Variants in SV2C observed in about 807,000 individuals in gnomAD.
SV2C encodes solute carrier family 22 member B3.
In SV2C, 49 loss-of-function variants were observed where a neutral mutation model predicts 79.7. That is an observed-to-expected ratio of 0.61 (90% CI 0.49 to 0.78). SV2C has a LOEUF of 0.78. Among genes scored for constraint, SV2C ranks in the 30% least tolerant of loss-of-function variants. The pLI, the probability that SV2C is intolerant of heterozygous loss-of-function variation, is 0.00. For missense variants in SV2C, 833 were observed against 912.9 expected (o/e 0.91, Z 1.13); for synonymous variants, 334 against 333.2 (o/e 1.00, Z -0.03).
chr5:76,314,041 A>G (rs947903423), intron 12 of SV2C, among the ~76,000 whole-genome samples: 1 of 152,202 alleles, frequency 6.6e-6, no homozygotes, highest in Non-Finnish European at 1.5e-5. Context: ...GGAAATTATC[A>G]CCCAGACCTT....
intron 2 of SV2C, among the ~76,000 whole-genome samples, chr5:76,184,750 G>A (rs9293676): frequency 0.79 from 120,676 of 151,986 alleles, 48,481 homozygotes; most frequent in East Asian, 0.91. Context: ...CCCTTGACAC[G>A]TGGGGATTAT....
chr5:76,181,583 C>T (rs964104360), intron 2 of SV2C, among the ~76,000 whole-genome samples: 1 of 151,952 alleles, frequency 6.6e-6, no homozygotes, highest in Admixed American at 6.6e-5. Context: ...GCATGTCTTA[C>T]CATGGTGGAG....
the SV2C span, among the ~76,000 whole-genome samples, chr5:76,049,854 CG>C: frequency 5.3e-5 from 8 of 152,158 alleles, no homozygotes; most frequent in Non-Finnish European, 1.2e-4. Context: ...AGTTACATCA[CG>C]TGGCTTTAGT....
chr5:75,851,986 CAGG>C, the SV2C span, among the ~76,000 whole-genome samples: 274 of 152,218 alleles, frequency 1.8e-3, 2 homozygotes, highest in African/African-American at 6.0e-3. Context: ...TTAATACAGG[CAGG>C]AGGAGGAGAA....
chr5:75,908,220 A>G, the SV2C span, among the ~76,000 whole-genome samples: 1 of 152,216 alleles, frequency 6.6e-6, no homozygotes, highest in African/African-American at 2.4e-5. Context: ...GGTGACACCA[A>G]TCTGCTTTCT....
chr5:76,161,713 A>G (rs2112250050), intron 2 of SV2C, among the ~76,000 whole-genome samples: 2 of 152,210 alleles, frequency 1.3e-5, no homozygotes, highest in East Asian at 3.8e-4. Flanking sequence ...CTGTAAATAT[A>G]CTAAAAACTC....
chr5:75,880,039 G>A, the SV2C span, among the ~76,000 whole-genome samples: 1 of 152,218 alleles, frequency 6.6e-6, no homozygotes, highest in South Asian at 2.1e-4. Flanking sequence ...GCCATGGCTG[G>A]AGCTGAAGTA....
chr5:76,002,147 G>A, the SV2C span, among the ~76,000 whole-genome samples: 2 of 144,352 alleles, frequency 1.4e-5, no homozygotes, highest in African/African-American at 5.2e-5. Flanking sequence ...TTTTATAGAT[G>A]AGTAGTATTC....
rs10651569 is a variant in SV2C at position 76,164,721 on chromosome 5, AGTGT to A, written c.581-30171_581-30168del. Reference sequence around the variant, plus strand: ...TTTGCTACTGTTGGGGATGGAACTCAGTGTGTGTGTGTGTGTGTGTGTGTGTGTG... The same window carrying A: ...TTTGCTACTGTTGGGGATGGAACTCAGTGTGTGTGTGTGTGTGTGTGTGTG... On this transcript the variant is annotated intron_variant, in intron 2 of 12. Transcript: ENST00000502798. Among the ~76,000 whole-genome samples the A allele has an allele frequency of 1.7e-3, 240 of 141,892 alleles. 3 individuals carry two copies. Among genetic ancestry groups the A allele is most frequent in the Middle Eastern group, 7.0e-3 (2 of 286 alleles). 93.1% of individuals were successfully genotyped at this position (141,892 alleles called of 152,430 possible). A position where few individuals can be genotyped will look rare whatever the true frequency, so the allele number is the denominator to read the frequency against.
At chr5:76,029,917 A>T in the SV2C span, among the ~76,000 whole-genome samples, 3 of 152,190 alleles carry the variant, frequency 2.0e-5, no homozygotes, top group African/African-American at 7.2e-5. Context: ...AATCAGAGCA[A>T]GTTCTTGAAG....
the SV2C span, among the ~76,000 whole-genome samples, chr5:75,990,861 A>T: frequency 1.3e-5 from 2 of 151,946 alleles, no homozygotes; most frequent in African/African-American, 4.8e-5. Flanking sequence ...TTTGACTGCA[A>T]CTCCCTTCAG....
rs143900466 is a variant in SV2C, at chr5:76,287,578, A to G, written c.1137+1708A>G. Among the ~76,000 whole-genome samples, 651 of 152,094 alleles carry G rather than the reference A, an allele frequency of 4.3e-3. 6 individuals carry two copies. The highest frequency in any genetic ancestry group is 0.014 in the African/African-American group (581 of 41,494). ...TTATAGTTCCCCTCTCTCTGCAGCT[A>G]CATTCATCCCTCAGCTCCTCACACT... On this transcript the variant is annotated intron_variant, in intron 6 of 12. Coordinates refer to ENST00000502798, the MANE Select transcript of SV2C (RefSeq NM_014979.4).
chr5:76,271,538 G>A (rs746521971), intron 4 of SV2C, among the ~76,000 whole-genome samples: 13 of 151,106 alleles, frequency 8.6e-5, no homozygotes, highest in Non-Finnish European at 1.3e-4. Flanking sequence ...CATACGTGGA[G>A]CATTTATAAA....
the SV2C span, among the ~76,000 whole-genome samples, chr5:75,922,037 A>G: frequency 1.3e-5 from 2 of 152,148 alleles, no homozygotes; most frequent in Non-Finnish European, 2.9e-5. Flanking sequence ...TGAATATATG[A>G]CTCAATAAAG....
chr5:76,181,774 G>T (rs2112301133), intron 2 of SV2C, among the ~76,000 whole-genome samples: 1 of 152,210 alleles, frequency 6.6e-6, no homozygotes, highest in Admixed American at 6.5e-5. Context: ...CTTGAGATTT[G>T]GGTGGGGACA....
chr5:76,163,424 T>C (rs1742955253), intron 2 of SV2C, among the ~76,000 whole-genome samples: 1 of 152,242 alleles, frequency 6.6e-6, no homozygotes, highest in African/African-American at 2.4e-5. Context: ...TTCTAATCAA[T>C]ATTTACGCAT....
chr5:76,231,336 C>T (rs1032713296), intron 4 of SV2C, among the ~76,000 whole-genome samples: 6 of 152,112 alleles, frequency 3.9e-5, no homozygotes, highest in Non-Finnish European at 8.8e-5. Flanking sequence ...CACTGTACCC[C>T]ATAAATATAT....
chr5:76,137,784 G>A (rs1749117787), intron 2 of SV2C, among the ~76,000 whole-genome samples: 1 of 152,132 alleles, frequency 6.6e-6, no homozygotes, highest in Non-Finnish European at 1.5e-5. Context: ...CTCTAGACAT[G>A]CCAATTAGAT....
chr5:76,050,120 T>C, the SV2C span, among the ~76,000 whole-genome samples: 28,188 of 152,248 alleles, frequency 0.19, 3,253 homozygotes, highest in South Asian at 0.35. Context: ...GTTGAAATAA[T>C]GCCCAACACA....
Sources: allele counts gnomAD v4.1 joint callset (sites outside exome capture counted in the v4.1 genomes callset), GRCh38; gene constraint gnomAD v4.1.1; transcripts MANE v1.5; gene names NCBI Gene and HGNC (gene_info 2026-07-23, HGNC 2026-07-21).